Variants in RIMS2 observed in about 807,000 individuals in gnomAD.
RIMS2 encodes regulating synaptic membrane exocytosis 2, also known as regulating synaptic membrane exocytosis protein 2.
A neutral mutation model predicts 174.4 loss-of-function variants in RIMS2; 59 were observed. That is an observed-to-expected ratio of 0.34 (90% CI 0.27 to 0.42). The LOEUF is 0.42. Ranked by LOEUF, RIMS2 falls within the 10% of genes least tolerant of loss-of-function variation. RIMS2 has a pLI of 1.00. For synonymous variants in RIMS2, 606 were observed against 572.5 expected (o/e 1.06, Z -0.84); for missense variants, 1,620 against 1,666.3 (o/e 0.97, Z 0.48).
At chr8:103,574,599 A>T (rs1444637889) in intron 1 of RIMS2, among the ~76,000 whole-genome samples, 10 of 152,124 alleles carry the variant, frequency 6.6e-5, no homozygotes, top group Admixed American at 3.3e-4. Context: ...CTCTCTTTCT[A>T]AACTGTCTTT....
At chr8:104,203,117 T>C (rs2099062884) in intron 19 of RIMS2, among the ~76,000 whole-genome samples, 1 of 152,174 alleles carries the variant, frequency 6.6e-6, no homozygotes, top group African/African-American at 2.4e-5. Context: ...AAATATAAAA[T>C]GATTTATCAG....
intron 2 of RIMS2, among the ~76,000 whole-genome samples, chr8:103,728,023 G>A (rs1465359428): frequency 6.6e-6 from 1 of 151,888 alleles, no homozygotes; most frequent in Non-Finnish European, 1.5e-5. Flanking sequence ...CAGTTACTTT[G>A]GTTAGTATGG....
At chr8:104,103,018 G>A (rs2097936723) in intron 19 of RIMS2, among the ~76,000 whole-genome samples, 4 of 152,016 alleles carry the variant, frequency 2.6e-5, no homozygotes, top group Admixed American at 2.6e-4. Flanking sequence ...TAAACAATGT[G>A]GTATATCCAT....
chr8:103,667,187 A>G (rs1015985867), intron 1 of RIMS2, among the ~76,000 whole-genome samples: 5 of 152,212 alleles, frequency 3.3e-5, no homozygotes, highest in Admixed American at 1.3e-4. Context: ...CAGAATCTCT[A>G]TAATACATAA....
At chr8:103,599,730 A>G (rs1588641658) in intron 1 of RIMS2, among the ~76,000 whole-genome samples, 1 of 152,016 alleles carries the variant, frequency 6.6e-6, no homozygotes, top group East Asian at 1.9e-4. Flanking sequence ...GATTACAGGC[A>G]TGAGCCACTG....
chr8:103,994,929 T>A (rs978471989), intron 17 of RIMS2, among the ~76,000 whole-genome samples: 4 of 151,964 alleles, frequency 2.6e-5, no homozygotes, highest in East Asian at 1.9e-4. Flanking sequence ...ATATATATAT[T>A]TTATAAATTT....
intron 1 of RIMS2, among the ~76,000 whole-genome samples, chr8:103,658,115 A>T (rs567929677): frequency 6.6e-6 from 1 of 152,346 alleles, no homozygotes; most frequent in South Asian, 2.1e-4. Flanking sequence ...AAGAAAATTC[A>T]AATATACAAG....
intron 14 of RIMS2, among the ~76,000 whole-genome samples, chr8:103,948,923 C>T (rs1382849485): frequency 2.7e-5 from 4 of 150,522 alleles, no homozygotes; most frequent in African/African-American, 7.3e-5. Context: ...CCCGAGAGTT[C>T]GAGACCAACC....
At chr8:104,151,063 AG>A (rs1171435718) in intron 19 of RIMS2, among the ~76,000 whole-genome samples, 1 of 152,222 alleles carries the variant, frequency 6.6e-6, no homozygotes, top group Admixed American at 6.5e-5. Context: ...TTCAGACAAA[AG>A]ATAAGATCCT....
At chr8:104,214,638 G>A (rs1263131312) in intron 19 of RIMS2, among the ~76,000 whole-genome samples, 2 of 152,102 alleles carry the variant, frequency 1.3e-5, no homozygotes, top group Non-Finnish European at 2.9e-5. Flanking sequence ...GGTAGAGACA[G>A]GGTTTCACCA....
chr8:103,887,488 AC>A (rs1226133254), intron 4 of RIMS2, among the ~76,000 whole-genome samples: 10 of 151,454 alleles, frequency 6.6e-5, no homozygotes, highest in African/African-American at 2.4e-4. Context: ...TAAGTATTTA[AC>A]TGTATATTAT....
At chr8:103,703,203 A>C (rs2097187624) in intron 2 of RIMS2, among the ~76,000 whole-genome samples, 1 of 147,062 alleles carries the variant, frequency 6.8e-6, no homozygotes, top group Non-Finnish European at 1.5e-5. Flanking sequence ...GGCTGGTTTC[A>C]CTCTCACACT....
At chr8:103,628,859 G>A (rs1265516709) in intron 1 of RIMS2, among the ~76,000 whole-genome samples, 1 of 151,588 alleles carries the variant, frequency 6.6e-6, no homozygotes, top group Non-Finnish European at 1.5e-5. Context: ...ATACTTGCCT[G>A]CTCCAGGAAA....
At chr8:103,530,266 T>A (rs1054420045) in intron 1 of RIMS2, among the ~76,000 whole-genome samples, 4 of 152,146 alleles carry the variant, frequency 2.6e-5, no homozygotes, top group Non-Finnish European at 4.4e-5. Flanking sequence ...AGTAGCATAA[T>A]GTACACCTTC....
At chr8:104,216,842 A>G (rs2099132112) in intron 19 of RIMS2, among the ~76,000 whole-genome samples, 1 of 152,216 alleles carries the variant, frequency 6.6e-6, no homozygotes, top group Non-Finnish European at 1.5e-5. Context: ...AGTGCCTGGC[A>G]TGTGGTAAGC....
intron 9 of RIMS2, among the ~76,000 whole-genome samples, chr8:103,919,413 A>G (rs2154529110): frequency 6.6e-6 from 1 of 152,220 alleles, no homozygotes; most frequent in East Asian, 1.9e-4. Flanking sequence ...CATAGTCTAT[A>G]TAACCCACTG....
chr8:104,084,621 T>C (rs1373164334), intron 19 of RIMS2, among the ~76,000 whole-genome samples: 1 of 152,054 alleles, frequency 6.6e-6, no homozygotes, highest in Non-Finnish European at 1.5e-5. Flanking sequence ...AAAGTATTCA[T>C]AGCCATTTTC....
At chr8:103,876,467 G>A (rs1244760265) in intron 3 of RIMS2, among the ~76,000 whole-genome samples, 2 of 151,418 alleles carry the variant, frequency 1.3e-5, no homozygotes, top group Non-Finnish European at 2.9e-5. Flanking sequence ...TGTTTCCGTA[G>A]GTTTTTGGGG....
rs547729797 is a variant in RIMS2, at chr8:104,173,555, A to C, written c.3335-71361A>C. Among the ~76,000 whole-genome samples the C allele has an allele frequency of 1.7e-3, 265 of 151,728 alleles. 1 individual carries two copies. The highest frequency in any genetic ancestry group is 2.6e-3 in the Non-Finnish European group (178 of 67,884). ...TGTTATGAAACATTTTTTATAGAAC[A>C]AAGAAAAAAGTTATAAGCTATTGCT... is the stretch of plus-strand genomic sequence containing the variant. On this transcript the variant is annotated intron_variant, in intron 19 of 23. Coordinates refer to ENST00000504942, the Ensembl canonical transcript of RIMS2.
Sources: allele counts gnomAD v4.1 joint callset (sites outside exome capture counted in the v4.1 genomes callset), GRCh38; gene constraint gnomAD v4.1.1; transcripts MANE v1.5; gene names NCBI Gene and HGNC (gene_info 2026-07-23, HGNC 2026-07-21).